The following LAMB4 variants were observed in gnomAD, a reference collection of about 807,000 sequenced individuals.
LAMB4 encodes laminin subunit beta-4.
LAMB4 carries 196 observed loss-of-function variants against 199.2 expected under a neutral mutation model. The observed-to-expected ratio is 0.98, with a 90% confidence interval of 0.88 to 1.11. LAMB4 has a LOEUF of 1.11. Ranked by LOEUF, LAMB4 falls within the 50% of genes least tolerant of loss-of-function variation. The pLI is 0.00. For missense variants in LAMB4, 2,080 were observed against 2,171.2 expected (o/e 0.96, Z 0.83); for synonymous variants, 744 against 770.6 (o/e 0.97, Z 0.57).
intron 10 of LAMB4, among the ~76,000 whole-genome samples, chr7:108,100,441 A>G (rs935970712): frequency 7.9e-5 from 12 of 152,200 alleles, no homozygotes; most frequent in African/African-American, 2.9e-4. Flanking sequence ...TATACACATA[A>G]ACATTTGTTT....
intron 31 of LAMB4, among the ~76,000 whole-genome samples, chr7:108,031,185 C>T (rs1732140): frequency 0.21 from 31,797 of 150,798 alleles, 7,643 homozygotes; most frequent in African/African-American, 0.6. Flanking sequence ...GTTAGCCTAG[C>T]GTGGGGTGCA....
intron 17 of LAMB4, among the ~76,000 whole-genome samples, chr7:108,071,005 G>C (rs1021167019): frequency 3.9e-5 from 6 of 152,164 alleles, no homozygotes; most frequent in African/African-American, 1.4e-4. Flanking sequence ...GCTCAAGAAG[G>C]AAGAGGTATT....
intron 14 of LAMB4, among the ~76,000 whole-genome samples, chr7:108,083,171 G>A (rs2037023614): frequency 6.6e-6 from 1 of 152,174 alleles, no homozygotes; most frequent in Non-Finnish European, 1.5e-5. Flanking sequence ...AGGGCAAGTG[G>A]GTTCCTTCTG....
intron 7 of LAMB4, 84 bp downstream of exon 7, chr7:108,106,420 GAAAAA>G: frequency 4.5e-6 from 3 of 673,754 alleles, no homozygotes; most frequent in Non-Finnish European, 7.3e-6. Context: ...TCCGTCTCAA[GAAAAA>G]AAAAAAAGAA....
intron 14 of LAMB4, among the ~76,000 whole-genome samples, chr7:108,084,268 C>T (rs1444787890): frequency 6.6e-6 from 1 of 152,158 alleles, no homozygotes; most frequent in African/African-American, 2.4e-5. Context: ...TGTAAATTTC[C>T]TCAGGAATTA....
chr7:108,107,602 C>G, intron 6 of LAMB4, 29 bp downstream of exon 6: 1 of 1,506,456 alleles, frequency 6.6e-7, no homozygotes, highest in Non-Finnish European at 9.0e-7. Context: ...TTAATTTATA[C>G]AAAATAAATA....
At chr7:108,085,431 TA>T (rs2150592917) in intron 14 of LAMB4, among the ~76,000 whole-genome samples, 1 of 152,276 alleles carries the variant, frequency 6.6e-6, no homozygotes, top group East Asian at 1.9e-4. Context: ...CTAATAATTT[TA>T]AATTTTAATA....
rs1303839167 is a variant in LAMB4, at chr7:108,066,404, A to G, written c.2643T>C (p.Asn881=). ...TTCTGCCAGTTGTAAAGCCTCCACA[A>G]TTGAAGCATGACCCTGTCTCAGGAT... ...LCDPETGSCF[N]CGGFTTGRNC... Residue 881 remains asparagine (N), a synonymous_variant, in exon 20 of 34, where the codon AAT becomes AAC. Transcript: ENST00000388781. The G allele has an allele frequency of 6.2e-7, 1 of 1,614,034 alleles. No individual in the cohort carries two copies. The highest frequency in any genetic ancestry group is 1.3e-5 in the African/African-American group (1 of 74,924).
intron 14 of LAMB4, among the ~76,000 whole-genome samples, chr7:108,080,546 C>G (rs1427955793): frequency 6.6e-6 from 1 of 152,108 alleles, no homozygotes; most frequent in Admixed American, 6.5e-5. Context: ...TTCTAACTGC[C>G]AACAGAATAA....
Position 108,044,921 on chromosome 7 carries a change from C to G in LAMB4, c.4327-1025G>C, listed in dbSNP as rs2035562759. Among the ~76,000 whole-genome samples the G allele has an allele frequency of 4.2e-5, 6 of 143,536 alleles. No homozygotes were observed. In the South Asian group the frequency reaches 1.3e-3, roughly 31 times the overall value. 94.2% of individuals were successfully genotyped at this position (143,536 alleles called of 152,430 possible). On this transcript the variant is annotated intron_variant, in intron 28 of 33. Coordinates refer to ENST00000388781, the MANE Select transcript of LAMB4 (RefSeq NM_007356.3). ...TGAGCTGAGATCGCACCATTACACTCCAGCCTGGGCCAGACAGAGTGAGAT... is the reference window on the plus strand; with the variant it reads ...TGAGCTGAGATCGCACCATTACACTGCAGCCTGGGCCAGACAGAGTGAGAT...
chr7:108,036,893 C>A (rs1430970183), intron 30 of LAMB4, among the ~76,000 whole-genome samples: 1 of 143,020 alleles, frequency 7.0e-6, no homozygotes. Flanking sequence ...CCATTATTTT[C>A]AATGGCAAAA....
chr7:108,098,088 G>C (rs2037682624), intron 11 of LAMB4, among the ~76,000 whole-genome samples: 1 of 152,030 alleles, frequency 6.6e-6, no homozygotes, highest in African/African-American at 2.4e-5. Flanking sequence ...GCTTTAAAAC[G>C]CATAGGGGCC....
chr7:108,120,019 A>G (rs2038544387), intron 2 of LAMB4, among the ~76,000 whole-genome samples: 1 of 152,172 alleles, frequency 6.6e-6, no homozygotes, highest in Non-Finnish European at 1.5e-5. Context: ...CCCAGACTCT[A>G]AAAATACACA....
chr7:108,072,322 G>A (rs1374678626), intron 17 of LAMB4, among the ~76,000 whole-genome samples: 2 of 152,090 alleles, frequency 1.3e-5, no homozygotes, highest in African/African-American at 4.8e-5. Context: ...GTCTTCTGGT[G>A]TATTCATGCC....
chr7:108,121,187 A>C (rs867515212), intron 2 of LAMB4, among the ~76,000 whole-genome samples: 42 of 152,258 alleles, frequency 2.8e-4, no homozygotes, highest in African/African-American at 9.9e-4. Flanking sequence ...ACCTGAAGAT[A>C]GAATGTTATG....
chr7:108,116,219 G>A (rs2038403651), intron 2 of LAMB4, 58 bp from the exon 3 acceptor site: 4 of 1,488,862 alleles, frequency 2.7e-6, no homozygotes, highest in Non-Finnish European at 3.7e-6. Flanking sequence ...CACAGGGCCT[G>A]CAGAAATGAC....
intron 4 of LAMB4, among the ~76,000 whole-genome samples, chr7:108,110,280 T>C (rs1236492658): frequency 1.3e-5 from 2 of 152,166 alleles, no homozygotes; most frequent in African/African-American, 2.4e-5. Context: ...CTGCCTATCT[T>C]GGCCTCCCAA....
At chr7:108,071,761 C>T (rs1441949611) in intron 17 of LAMB4, among the ~76,000 whole-genome samples, 1 of 152,130 alleles carries the variant, frequency 6.6e-6, no homozygotes, top group Non-Finnish European at 1.5e-5. Flanking sequence ...TAATTCAGGC[C>T]ACCTGGATGA....
chr7:108,056,168 A>G (rs2035979637), intron 24 of LAMB4, among the ~76,000 whole-genome samples, 161 bp from the exon 25 acceptor site: 1 of 152,258 alleles, frequency 6.6e-6, no homozygotes, highest in African/African-American at 2.4e-5. Flanking sequence ...TGCAATAGCC[A>G]TTATAAGACA....
Sources: allele counts gnomAD v4.1 joint callset (sites outside exome capture counted in the v4.1 genomes callset), GRCh38; gene constraint gnomAD v4.1.1; transcripts MANE v1.5; gene names NCBI Gene and HGNC (gene_info 2026-07-23, HGNC 2026-07-21).